The following KYAT3 variants were observed in gnomAD, a reference collection of about 807,000 sequenced individuals.
KYAT3 encodes the protein kynurenine aminotransferase 3.
KYAT3 carries 50 observed loss-of-function variants against 59.0 expected under a neutral mutation model. The observed-to-expected ratio is 0.85, with a 90% CI of 0.68 to 1.07. The LOEUF (loss-of-function observed/expected upper bound fraction) is 1.07, where lower values mean the gene tolerates loss of function less well. KYAT3 is among the 50% of genes least tolerant of loss of function. KYAT3 has a pLI of 0.00. For missense variants in KYAT3, 497 were observed against 533.3 expected (o/e 0.93, Z 0.67); for synonymous variants, 148 against 177.0 (o/e 0.84, Z 1.30).
chr1:88,970,741 A>T (rs1676527101), intron 2 of KYAT3, among the ~76,000 whole-genome samples: 1 of 152,164 alleles, frequency 6.6e-6, no homozygotes, highest in African/African-American at 2.4e-5. Context: ...ATTAGCTTTG[A>T]GTTCATTGTT....
At chr1:88,969,379 C>T (rs1347442848) in intron 3 of KYAT3, 30 bp downstream of exon 3, 8 of 1,375,298 alleles carry the variant, frequency 5.8e-6, no homozygotes, top group Non-Finnish European at 6.2e-6. Context: ...GAAACCCTCA[C>T]TAAATTATTA....
intron 4 of KYAT3, among the ~76,000 whole-genome samples, chr1:88,967,451 G>A (rs889836437): frequency 2.6e-5 from 4 of 151,650 alleles, no homozygotes; most frequent in African/African-American, 4.8e-5. Context: ...TGGCAAAACC[G>A]CAATTACTTT....
At chr1:88,926,565 C>T in the KYAT3 span, among the ~76,000 whole-genome samples, 2 of 152,210 alleles carry the variant, frequency 1.3e-5, no homozygotes, top group African/African-American at 4.8e-5. Flanking sequence ...ATCCTCCTGT[C>T]TTGGCCTCCC....
chr1:88,983,931 TAGG>T (rs1038234555), intron 2 of KYAT3: 3 of 1,204,038 alleles, frequency 2.5e-6, no homozygotes, highest in Non-Finnish European at 3.6e-6. Context: ...GGCTGTCAGT[TAGG>T]AGGACTGAAC....
At chr1:88,929,594 C>T in the KYAT3 span, among the ~76,000 whole-genome samples, 8 of 152,198 alleles carry the variant, frequency 5.3e-5, no homozygotes, top group Non-Finnish European at 7.3e-5. Flanking sequence ...TCCTTTGGTA[C>T]GTGGTGATTT....
Position 88,943,431 on chromosome 1 carries a change from C to A in KYAT3, c.1142-8G>T. ...TATCAGAGAGGTCTGGATCTAAAAC[C>A]ACAATGAAAATTAGGTGGCCTATGA... On this transcript the variant is annotated splice_polypyrimidine_tract_variant and splice_region_variant and intron_variant, in intron 11 of 13. Transcript: ENST00000260508. 6.6e-7 allele frequency: 1 copy of A among 1,507,402 alleles called. No homozygotes were observed. The highest frequency in any genetic ancestry group is 1.2e-5 in the South Asian group (1 of 82,216). The allele number at this position is 1,507,402 out of a possible 1,614,324, so 93.4% of individuals were successfully genotyped here. A position where few individuals can be genotyped will look rare whatever the true frequency, so the allele number is the denominator to read the frequency against.
At chr1:88,988,659 G>C (rs779724772) in intron 1 of KYAT3, among the ~76,000 whole-genome samples, 2 of 152,130 alleles carry the variant, frequency 1.3e-5, no homozygotes, top group Non-Finnish European at 2.9e-5. Context: ...ATTTCAGAAA[G>C]TGAAAGTTCC....
At chr1:88,992,753 A>C (rs1677896142), upstream of KYAT3, 1 of 151,106 alleles carries the variant, frequency 6.6e-6, no homozygotes, top group East Asian at 2.0e-4. Flanking sequence ...TCTAGGCTGG[A>C]AGAGACTGGA....
At chr1:88,936,468 A>C (rs914231352) in intron 13 of KYAT3, among the ~76,000 whole-genome samples, 1 of 152,222 alleles carries the variant, frequency 6.6e-6, no homozygotes, top group Non-Finnish European at 1.5e-5. Context: ...AAGAGTTTAC[A>C]CTGAAAAATA....
intron 2 of KYAT3, chr1:88,981,730 A>G (rs2101079753): frequency 5.5e-6 from 1 of 181,322 alleles, no homozygotes; most frequent in Middle Eastern, 5.0e-4. Flanking sequence ...CTCCACAAAC[A>G]TAATGAGCAC....
chr1:88,927,393 T>G, the KYAT3 span, among the ~76,000 whole-genome samples: 2 of 152,182 alleles, frequency 1.3e-5, no homozygotes, highest in African/African-American at 4.8e-5. Context: ...AACAGCATCT[T>G]ACAGCTAGAC....
chr1:88,991,797 G>A (rs1002691543), intron 1 of KYAT3, among the ~76,000 whole-genome samples: 2 of 152,232 alleles, frequency 1.3e-5, no homozygotes, highest in South Asian at 2.1e-4. Context: ...GACTTGCTAA[G>A]GGCTGACCTG....
At chr1:88,948,239 T>C (rs1261433094) in intron 11 of KYAT3, among the ~76,000 whole-genome samples, 1 of 152,208 alleles carries the variant, frequency 6.6e-6, no homozygotes, top group East Asian at 1.9e-4. Flanking sequence ...TACAATTTAG[T>C]ATAAATAAAA....
intron 13 of KYAT3, among the ~76,000 whole-genome samples, chr1:88,941,162 A>T (rs1675218866): frequency 6.6e-6 from 1 of 152,244 alleles, no homozygotes; most frequent in Admixed American, 6.5e-5. Flanking sequence ...AATCCAGTGT[A>T]AGATGAAGGA....
Position 88,936,106 on chromosome 1 carries a change from C to A in KYAT3, c.*77G>T. On this transcript the variant is annotated 3_prime_UTR_variant, in exon 14 of 14. Coordinates refer to ENST00000260508, the MANE Select transcript of KYAT3 (RefSeq NM_001008661.3). ...CCAGTTGTACTGAAATACCTTTTAA[C>A]ATCCAGCAGGTGGCAGCACTAAGTA... 1.1e-6 allele frequency: 1 copy of A among 930,074 alleles called. No individual in the cohort carries two copies. The highest frequency in any genetic ancestry group is 1.7e-6 in the Non-Finnish European group (1 of 592,340). 57.6% of individuals were successfully genotyped at this position (930,074 alleles called of 1,614,324 possible).
chr1:88,970,785 G>A (rs1676528132), intron 2 of KYAT3, among the ~76,000 whole-genome samples: 1 of 152,044 alleles, frequency 6.6e-6, no homozygotes, highest in South Asian at 2.1e-4. Flanking sequence ...ATGATTGACA[G>A]CATTTTTGCA....
chr1:88,988,695 G>A (rs1677614704), intron 1 of KYAT3, among the ~76,000 whole-genome samples: 1 of 152,162 alleles, frequency 6.6e-6, no homozygotes, highest in Non-Finnish European at 1.5e-5. Context: ...AAAATCCAGA[G>A]TATTTCAATC....
At chr1:88,985,027 C>T (rs947074922) in intron 2 of KYAT3, among the ~76,000 whole-genome samples, 3 of 152,140 alleles carry the variant, frequency 2.0e-5, no homozygotes, top group Non-Finnish European at 4.4e-5. Context: ...TAACCTTTTT[C>T]TGAAAATTAT....
chr1:88,958,979 C>G (rs1273539943), intron 8 of KYAT3, among the ~76,000 whole-genome samples: 2 of 152,164 alleles, frequency 1.3e-5, no homozygotes, highest in African/African-American at 4.8e-5. Context: ...AAAACACACC[C>G]TCATAAATCA....
Sources: allele counts gnomAD v4.1 joint callset (sites outside exome capture counted in the v4.1 genomes callset), GRCh38; gene constraint gnomAD v4.1.1; transcripts MANE v1.5; gene names NCBI Gene and HGNC (gene_info 2026-07-23, HGNC 2026-07-21).